Variants in CFAP58 observed in about 807,000 individuals in gnomAD.
CFAP58 encodes cilia and flagella associated protein 58, also known as cilia- and flagella-associated protein 58.
A neutral mutation model predicts 119.5 loss-of-function variants in CFAP58; 88 were observed. The observed-to-expected ratio is 0.74, with a 90% CI of 0.62 to 0.88. The LOEUF (loss-of-function observed/expected upper bound fraction) is 0.88. Ranked by LOEUF, CFAP58 falls within the 40% of genes least tolerant of loss-of-function variation. The pLI is 0.00. For synonymous variants in CFAP58, 365 were observed against 366.3 expected (o/e 1.00, Z 0.04); for missense variants, 990 against 1,021.2 (o/e 0.97, Z 0.42).
chr10:104,400,901 C>T lies in CFAP58; in HGVS notation c.2037C>T (p.Leu679=). 1 of 1,612,562 alleles carries T rather than the reference C, an allele frequency of 6.2e-7. No homozygotes were observed. The highest frequency in any genetic ancestry group is 8.5e-7 in the Non-Finnish European group (1 of 1,178,768). ...GGAGTATGGCTAATGTTGAAGAACT[C>T]AGGTAATAGATTATAGAACTCAGGG... ...LARSMANVEE[L]RQEFFHMQRE... Residue 679 remains leucine (L), a splice_region_variant and synonymous_variant, in exon 13 of 18, where the codon CTC becomes CTT. Coordinates refer to ENST00000369704, the MANE Select transcript of CFAP58 (RefSeq NM_001008723.2).
chr10:104,412,647 CA>C (rs1277810911), intron 15 of CFAP58, among the ~76,000 whole-genome samples: 1 of 152,164 alleles, frequency 6.6e-6, no homozygotes, highest in Admixed American at 6.5e-5. Context: ...CTGAGTATCA[CA>C]GCAATTTTTA....
chr10:104,393,450 T>C lies in CFAP58; in HGVS notation c.1649T>C (p.Ile550Thr). ...AAGCTGCACCTGGAACAGCAGCGAA[T>C]AGAAAAGGAAAAGGAAACATTGAAG... The part of the protein sequence containing the change: ...LVKLHLEQQR[I>T]EKEKETLKAE... The change falls in exon 11 of 18, where the codon ATA becomes ACA. Residue 550 changes from isoleucine to threonine, a missense_variant. Ile to Thr is a moderately conservative substitution (Grantham distance 89). Transcript: ENST00000369704. 6.2e-7 allele frequency: 1 copy of C among 1,613,748 alleles called. No homozygotes were observed. Among genetic ancestry groups the C allele is most frequent in the Non-Finnish European group, 8.5e-7 (1 of 1,179,764 alleles).
intron 15 of CFAP58, among the ~76,000 whole-genome samples, chr10:104,426,812 A>G (rs2012758616): frequency 6.6e-6 from 1 of 152,208 alleles, no homozygotes; most frequent in South Asian, 2.1e-4. Flanking sequence ...ATAGCTTCTC[A>G]GTTAATTTTC....
the CFAP58 span, among the ~76,000 whole-genome samples, chr10:104,340,991 A>G: frequency 6.6e-6 from 1 of 152,212 alleles, no homozygotes; most frequent in Non-Finnish European, 1.5e-5. Flanking sequence ...TTCTATAGAA[A>G]TGAAAACCCC....
At chr10:104,391,504 AAAG>A (rs1347424392) in intron 9 of CFAP58, among the ~76,000 whole-genome samples, 1 of 152,194 alleles carries the variant, frequency 6.6e-6, no homozygotes, top group African/African-American at 2.4e-5. Flanking sequence ...AGGACTTTTT[AAAG>A]AAGTTTACCT....
rs1394819132 is a variant in CFAP58 at position 104,364,884 on chromosome 10, A to G, written c.592A>G (p.Ser198Gly). The G allele has an allele frequency of 6.2e-7, 1 of 1,611,600 alleles. No individual in the cohort carries two copies. The highest frequency in any genetic ancestry group is 2.2e-5 in the East Asian group (1 of 44,668). Reference protein sequence around the residue: ...RSKEEAEHAISQFQQEIQQRQ... With the variant: ...RSKEEAEHAIGQFQQEIQQRQ... ...AAAAGAGGAGGCTGAACATGCCATC[A>G]GTCAGGTCTGCCATGGAGGGCAAGA... The change falls in exon 4 of 18, where the codon AGT becomes GGT. Residue 198 changes from serine to glycine, a missense_variant. Physicochemically the swap from Ser to Gly is moderately conservative, Grantham distance 56. Transcript: ENST00000369704.
At chr10:104,349,822 T>C (rs2014439147), upstream of CFAP58, among the ~76,000 whole-genome samples, 2 of 152,160 alleles carry the variant, frequency 1.3e-5, no homozygotes, top group African/African-American at 4.8e-5. Flanking sequence ...AAGTGAGATC[T>C]GAAAGAAGAT....
chr10:104,417,132 G>C (rs1257169003), intron 15 of CFAP58, among the ~76,000 whole-genome samples: 1 of 152,238 alleles, frequency 6.6e-6, no homozygotes, highest in Admixed American at 6.5e-5. Flanking sequence ...TCATGCTCTA[G>C]AAGTTGGTTT....
At chr10:104,434,772 T>C (rs536254169) in intron 15 of CFAP58, among the ~76,000 whole-genome samples, 7 of 152,344 alleles carry the variant, frequency 4.6e-5, no homozygotes, top group African/African-American at 1.7e-4. Context: ...CACTTGTAAC[T>C]GTCAAGAATT....
At position 104,453,761 on chromosome 10, in the gene CFAP58, A is replaced by AGTGTGTGTGTGTGTGT. The variant is rs56666132; in HGVS notation, c.2511-640_2511-625dup. 1.9e-3 allele frequency among the ~76,000 whole-genome samples: 266 copies of AGTGTGTGTGTGTGTGT among 138,928 alleles called. 1 individual carries two copies. The highest frequency in any genetic ancestry group is 6.2e-3 in the African/African-American group (233 of 37,326). 91.1% of individuals were successfully genotyped at this position (138,928 alleles called of 152,430 possible). On this transcript the variant is annotated intron_variant, in intron 17 of 17. Coordinates refer to ENST00000369704, the MANE Select transcript of CFAP58 (RefSeq NM_001008723.2). ...TACTTCTGCAGGAAACATGAATATGAGTGTGTGTGTGTGTGTGTGTGTGTG... is the reference window on the plus strand; with the variant it reads ...TACTTCTGCAGGAAACATGAATATGAGTGTGTGTGTGTGTGTGTGTGTGTGTGTGTGTGTGTGTGTG...
At chr10:104,366,193 C>A (rs571774719) in intron 5 of CFAP58, among the ~76,000 whole-genome samples, 185 bp downstream of exon 5, 1 of 152,232 alleles carries the variant, frequency 6.6e-6, no homozygotes, top group East Asian at 1.9e-4. Context: ...GTTATGCCCC[C>A]CCTTTTAAAT....
At chr10:104,357,792 CA>C (rs1442634881) in intron 1 of CFAP58, among the ~76,000 whole-genome samples, 1 of 145,820 alleles carries the variant, frequency 6.9e-6, no homozygotes, top group African/African-American at 2.7e-5. Context: ...TGTTTATATA[CA>C]TATATATACA....
At position 104,365,857 on chromosome 10, in the gene CFAP58, A is replaced by G. The variant is rs555898529; in HGVS notation, c.641A>G (p.Glu214Gly). 109 of 1,612,950 alleles carry G rather than the reference A, an allele frequency of 6.8e-5. 2 individuals are homozygous for G. In the South Asian group the frequency reaches 1.2e-3, roughly 17 times the overall value. Residue 214 changes from glutamate (E) to glycine (G), a missense_variant, in exon 5 of 18, where the codon GAG (glutamate) becomes GGG (glycine). Transcript: ENST00000369704. ...CAACGTCAGAACGAAGCTTCCCGGGAGTTCCGGAAGAAGGAAAAACTAGAG... is the reference window on the plus strand; with the variant it reads ...CAACGTCAGAACGAAGCTTCCCGGGGGTTCCGGAAGAAGGAAAAACTAGAG... ...IQQRQNEASR[E>G]FRKKEKLEKE...
chr10:104,403,713 A>T lies in CFAP58; in HGVS notation c.2040-16A>T. Reference sequence around the variant, plus strand: ...GGGTGGATAATTCTTTGCAAAATCAAGTTTGTCTTATTCAGACAGGAGTTT... The same window carrying T: ...GGGTGGATAATTCTTTGCAAAATCATGTTTGTCTTATTCAGACAGGAGTTT... On this transcript the variant is annotated splice_polypyrimidine_tract_variant and intron_variant, in intron 13 of 17. Transcript: ENST00000369704. 6.4e-7 allele frequency: 1 copy of T among 1,560,124 alleles called. No individual in the cohort carries two copies. Among genetic ancestry groups the T allele is most frequent in the Non-Finnish European group, 8.8e-7 (1 of 1,137,546 alleles).
In CFAP58 at chr10:104,415,330, C is replaced by T. The variant is rs555000430; in HGVS notation, c.2256+8537C>T. On this transcript the variant is annotated intron_variant, in intron 15 of 17. Coordinates refer to ENST00000369704, the MANE Select transcript of CFAP58 (RefSeq NM_001008723.2). ...GGGAGGGAGCGGGTCATCCCATGGGCGTTTGAGCTCTAGTACCGCTGGGAT... is the reference window on the plus strand; with the variant it reads ...GGGAGGGAGCGGGTCATCCCATGGGTGTTTGAGCTCTAGTACCGCTGGGAT... 1.3e-3 allele frequency among the ~76,000 whole-genome samples: 194 copies of T among 152,194 alleles called. 1 individual carries two copies. The highest frequency in any genetic ancestry group is 2.1e-3 in the Non-Finnish European group (143 of 68,014).
chr10:104,447,851 G>A (rs1360474152), intron 16 of CFAP58, 34 bp downstream of exon 16: 2 of 1,568,520 alleles, frequency 1.3e-6, no homozygotes, highest in Non-Finnish European at 1.7e-6. Context: ...CCGGGTTCCA[G>A]GGCAGCCACA....
rs1335704197 is a variant in CFAP58, at chr10:104,438,361, GTTTTTT to G, written c.2257-9330_2257-9325del. Among the ~76,000 whole-genome samples, 302 of 59,308 alleles carry G rather than the reference GTTTTTT, an allele frequency of 5.1e-3. 2 individuals are homozygous for G. The highest frequency in any genetic ancestry group is 8.5e-3 in the Non-Finnish European group (235 of 27,492). The allele number at this position is 59,308 out of a possible 152,430, so 38.9% of individuals were successfully genotyped here. On this transcript the variant is annotated intron_variant, in intron 15 of 17. Coordinates refer to ENST00000369704, the MANE Select transcript of CFAP58 (RefSeq NM_001008723.2). ...TTTTTGTTTTTTGTTTTTTTTTTTT[GTTTTTT>G]TTTTTTGTTTTTTTTTTTTGAGACG...
intron 7 of CFAP58, among the ~76,000 whole-genome samples, chr10:104,373,306 G>A (rs891753071): frequency 6.6e-6 from 1 of 152,136 alleles, no homozygotes; most frequent in Non-Finnish European, 1.5e-5. Context: ...ATCTGTCCAA[G>A]TTAATTTATA....
chr10:104,432,638 G>C (rs2012867880), intron 15 of CFAP58, among the ~76,000 whole-genome samples: 1 of 152,048 alleles, frequency 6.6e-6, no homozygotes, highest in Non-Finnish European at 1.5e-5. Flanking sequence ...GAGTAGCTGG[G>C]ACTACAGGCA....
Sources: allele counts gnomAD v4.1 joint callset (sites outside exome capture counted in the v4.1 genomes callset), GRCh38; gene constraint gnomAD v4.1.1; transcripts MANE v1.5; gene names NCBI Gene and HGNC (gene_info 2026-07-23, HGNC 2026-07-21).